TMOD3: variants seen among roughly 807,000 people sequenced by gnomAD.
TMOD3 encodes the protein tropomodulin-3.
Under a neutral mutation model 39.2 loss-of-function variants are expected in TMOD3, and 20 were observed. That is an observed-to-expected ratio of 0.51 (90% CI 0.36 to 0.74). The LOEUF (loss-of-function observed/expected upper bound fraction) is 0.74. TMOD3 is among the 30% of genes least tolerant of loss of function. The probability of loss-of-function intolerance (pLI) is 0.00; values close to 1 mark genes in which losing one functional copy is unlikely to be tolerated. For missense variants in TMOD3, 381 were observed against 412.8 expected (o/e 0.92, Z 0.67); for synonymous variants, 143 against 145.8 (o/e 0.98, Z 0.14).
chr15:51,838,814 G>T (rs1446610514), intron 1 of TMOD3, among the ~76,000 whole-genome samples: 1 of 152,026 alleles, frequency 6.6e-6, no homozygotes, highest in Non-Finnish European at 1.5e-5. Flanking sequence ...TGACTAGCTT[G>T]TTATGGTAGT....
intron 1 of TMOD3, among the ~76,000 whole-genome samples, chr15:51,854,742 A>G (rs529473434): frequency 3.3e-5 from 5 of 152,360 alleles, no homozygotes; most frequent in African/African-American, 1.2e-4. Context: ...TGCTGGTGCA[A>G]TGATAAATAT....
intron 1 of TMOD3, among the ~76,000 whole-genome samples, chr15:51,844,857 GT>G (rs1489725474): frequency 6.6e-6 from 1 of 152,148 alleles, no homozygotes; most frequent in African/African-American, 2.4e-5. Context: ...TATTAATACG[GT>G]CATACTACTG....
chr15:51,893,971 T>G (rs776419279), intron 6 of TMOD3, 26 bp downstream of exon 6: 14 of 1,524,004 alleles, frequency 9.2e-6, no homozygotes, highest in Non-Finnish European at 1.2e-5. Flanking sequence ...AGAGTGGTTT[T>G]GTATTGCTTT....
At chr15:51,900,054 A>G in intron 7 of TMOD3, 101 bp from the exon 8 acceptor site, 2 of 1,125,220 alleles carry the variant, frequency 1.8e-6, no homozygotes, top group Non-Finnish European at 1.3e-6. Flanking sequence ...ACTAATGACA[A>G]ACATTAAGGC....
At chr15:51,843,949 G>A (rs2056324331) in intron 1 of TMOD3, among the ~76,000 whole-genome samples, 1 of 151,606 alleles carries the variant, frequency 6.6e-6, no homozygotes, top group Non-Finnish European at 1.5e-5. Flanking sequence ...ATGGCCGATG[G>A]TTCTTATTTT....
At chr15:51,888,197 TA>T (rs2056574920) in intron 4 of TMOD3, among the ~76,000 whole-genome samples, 1 of 152,234 alleles carries the variant, frequency 6.6e-6, no homozygotes, top group Non-Finnish European at 1.5e-5. Flanking sequence ...TTATTTTCAT[TA>T]TTGTCAATTT....
At chr15:51,860,217 A>G (rs2056410143) in intron 1 of TMOD3, 1 of 486,098 alleles carries the variant, frequency 2.1e-6, no homozygotes, top group African/African-American at 2.0e-5. Context: ...ATAAATTTCT[A>G]TTTGTAGACC....
intron 1 of TMOD3, among the ~76,000 whole-genome samples, chr15:51,851,016 G>A (rs931663785): frequency 1.3e-5 from 2 of 152,136 alleles, no homozygotes; most frequent in African/African-American, 2.4e-5. Flanking sequence ...ATGAGCCACC[G>A]CACTCGGCCG....
chr15:51,834,145 T>TG (rs1197418900), intron 1 of TMOD3, among the ~76,000 whole-genome samples: 1 of 152,212 alleles, frequency 6.6e-6, no homozygotes, highest in African/African-American at 2.4e-5. Flanking sequence ...CTTTTTATTG[T>TG]TTGTAGGAGC....
In TMOD3 at chr15:51,845,430, G is replaced by T. The variant is rs2056331105; in HGVS notation, c.-75+15594G>T. Reference sequence around the variant, plus strand: ...CCGCTCACCCTCAGTCTGATGCTGGGAGCTAACTAAGTGCTAGACTTTTTC... The same window carrying T: ...CCGCTCACCCTCAGTCTGATGCTGGTAGCTAACTAAGTGCTAGACTTTTTC... On this transcript the variant is annotated intron_variant, in intron 1 of 9. Coordinates refer to ENST00000308580, the MANE Select transcript of TMOD3 (RefSeq NM_014547.5). 5.3e-5 allele frequency among the ~76,000 whole-genome samples: 8 copies of T among 152,268 alleles called. No homozygotes were observed. The South Asian group carries it at 1.7e-3, about 32-fold the overall frequency.
chr15:51,896,526 T>C lies in TMOD3; in HGVS notation c.735T>C (p.Thr245=). Residue 245 remains threonine, a splice_region_variant and synonymous_variant, in exon 7 of 10, where the codon ACT becomes ACC. Coordinates refer to ENST00000308580, the MANE Select transcript of TMOD3 (RefSeq NM_014547.5). ...CCCGGAGCAATGACCCTGTTGCTAC[T>C]GTAAGTAAGCGACTTGAGAATATCA... ...AATRSNDPVA[T]AFAEMLKVNK... 1.2e-6 allele frequency: 2 copies of C among 1,608,198 alleles called. No individual in the cohort carries two copies. Among genetic ancestry groups the C allele is most frequent in the Non-Finnish European group, 1.7e-6 (2 of 1,175,384 alleles).
intron 1 of TMOD3, chr15:51,833,106 A>G (rs1377220403): frequency 6.6e-6 from 1 of 152,256 alleles, no homozygotes; most frequent in Non-Finnish European, 1.5e-5. Context: ...TACTGGGCCT[A>G]TAACTGGTCC....
At chr15:51,885,012 C>T (rs575109308) in intron 3 of TMOD3, among the ~76,000 whole-genome samples, 1 of 152,366 alleles carries the variant, frequency 6.6e-6, no homozygotes, top group East Asian at 1.9e-4. Context: ...TCAGCATCTA[C>T]ACTTTAATTA....
chr15:51,871,199 G>GA (rs2056473046), intron 3 of TMOD3, among the ~76,000 whole-genome samples: 12 of 152,174 alleles, frequency 7.9e-5, no homozygotes, highest in Admixed American at 7.9e-4. Context: ...TTTGGGGCCA[G>GA]AAAAAGAGTT....
At chr15:51,833,679 C>T (rs771612995) in intron 1 of TMOD3, among the ~76,000 whole-genome samples, 4 of 152,180 alleles carry the variant, frequency 2.6e-5, no homozygotes, top group Non-Finnish European at 5.9e-5. Flanking sequence ...ATGTTGTTGG[C>T]AAGTATCAGT....
chr15:51,873,904 A>G (rs758244460), intron 3 of TMOD3, among the ~76,000 whole-genome samples: 2 of 152,164 alleles, frequency 1.3e-5, no homozygotes, highest in Non-Finnish European at 2.9e-5. Flanking sequence ...TTACAGGTGG[A>G]GCCACTGCAC....
At chr15:51,850,282 C>G (rs2056355017) in intron 1 of TMOD3, among the ~76,000 whole-genome samples, 1 of 152,126 alleles carries the variant, frequency 6.6e-6, no homozygotes, top group African/African-American at 2.4e-5. Context: ...TAAATGTATA[C>G]TGGAACCCTT....
At chr15:51,908,026 G>A (rs927423138) in intron 9 of TMOD3, among the ~76,000 whole-genome samples, 3 of 152,128 alleles carry the variant, frequency 2.0e-5, no homozygotes, top group African/African-American at 7.2e-5. Flanking sequence ...ACCCTGAACT[G>A]GTTTATATTA....
At chr15:51,898,577 G>A (rs147643279) in intron 7 of TMOD3, among the ~76,000 whole-genome samples, 59 of 152,258 alleles carry the variant, frequency 3.9e-4, no homozygotes, top group Non-Finnish European at 5.9e-4. Context: ...AGTAATATTC[G>A]AATACATGTA....
Sources: allele counts gnomAD v4.1 joint callset (sites outside exome capture counted in the v4.1 genomes callset), GRCh38; gene constraint gnomAD v4.1.1; transcripts MANE v1.5; gene names NCBI Gene and HGNC (gene_info 2026-07-23, HGNC 2026-07-21).